The following MMS22L variants were observed in gnomAD, a reference collection of about 807,000 sequenced individuals.
The protein encoded by MMS22L is MMS22 like, DNA repair protein.
In MMS22L, 74 loss-of-function variants were observed where a neutral mutation model predicts 159.1. The ratio of observed to expected loss-of-function variants is 0.47; its 90% CI spans 0.39 to 0.56. MMS22L has a LOEUF of 0.56. Among genes scored for constraint, MMS22L ranks in the 20% least tolerant of loss-of-function variants. The pLI is 0.00. For missense variants in MMS22L, 1,351 were observed against 1,422.1 expected, an observed-to-expected ratio of 0.95 and a Z score of 0.80; for synonymous variants, 517 against 506.9, an observed-to-expected ratio of 1.02 and a Z score of -0.27.
In MMS22L at chr6:97,142,539, T is replaced by C. The variant is rs1212920632; in HGVS notation, c.*4267A>G. On this transcript the variant is annotated 3_prime_UTR_variant, in exon 25 of 25. Transcript: ENST00000683635. The stretch of plus-strand genomic sequence containing the variant: ...AAGAGGGGTAGGTAAAAGATCAGTT[T>C]TTTGGAAAATAAAAGATTTATATAA... The C allele has an allele frequency of 6.6e-6, 1 of 152,284 alleles. No homozygotes were observed. Among genetic ancestry groups the C allele is most frequent in the African/African-American group, 2.4e-5 (1 of 41,438 alleles). 9.4% of individuals were successfully genotyped at this position (152,284 alleles called of 1,614,324 possible).
chr6:97,257,324 T>C (rs1813926245), intron 9 of MMS22L, among the ~76,000 whole-genome samples: 1 of 152,242 alleles, frequency 6.6e-6, no homozygotes, highest in Non-Finnish European at 1.5e-5. Context: ...ATAAGGTGCA[T>C]TTAGCTATCC....
intron 20 of MMS22L, 56 bp downstream of exon 20, chr6:97,168,015 A>C (rs1432265906): frequency 4.2e-6 from 6 of 1,415,344 alleles, no homozygotes; most frequent in Non-Finnish European, 5.7e-6. Context: ...CTATGTTTTT[A>C]AGGCAAAGTT....
At chr6:97,247,454 A>G (rs2128042755) in intron 10 of MMS22L, among the ~76,000 whole-genome samples, 1 of 152,262 alleles carries the variant, frequency 6.6e-6, no homozygotes, top group East Asian at 1.9e-4. Flanking sequence ...CATGGCCAGG[A>G]GCGATGGCTC....
intron 18 of MMS22L, among the ~76,000 whole-genome samples, chr6:97,174,249 CAAAAAAAAAATAAAAAA>C (rs1183829011): frequency 6.6e-5 from 7 of 106,844 alleles, no homozygotes; most frequent in Admixed American, 3.1e-4. Context: ...AAGACTGTCT[CAAAAAAAAAATAAAAAA>C]AAAAAAAAAA....
chr6:97,174,269 A>AT (rs1220293732), intron 18 of MMS22L, among the ~76,000 whole-genome samples: 18 of 151,150 alleles, frequency 1.2e-4, no homozygotes, highest in Non-Finnish European at 1.8e-4. Context: ...ATAAAAAAAA[A>AT]AAAAAAATAA....
intron 14 of MMS22L, among the ~76,000 whole-genome samples, chr6:97,187,385 T>C (rs932773734): frequency 2.6e-5 from 4 of 152,240 alleles, no homozygotes; most frequent in South Asian, 4.1e-4. Context: ...GTGCAGGAAA[T>C]TGAGGTTACC....
intron 14 of MMS22L, among the ~76,000 whole-genome samples, chr6:97,218,852 G>A (rs572872838): frequency 1.3e-5 from 2 of 152,278 alleles, no homozygotes; most frequent in East Asian, 1.9e-4. Flanking sequence ...GGAAGGTGAA[G>A]GGGAAGCAAG....
chr6:97,263,421 C>A lies in MMS22L; in HGVS notation c.856G>T (p.Asp286Tyr). ...TTAATGCATAAACATGGACACTGGT[C>A]ACTCATTAATGATTCAGAAGACCTA... ...KVRSSESLMS[D>Y]QCPCLCIKEL... Residue 286 changes from aspartate to tyrosine, a missense_variant, in exon 9 of 25, where the codon GAC (aspartate) becomes TAC (tyrosine). Coordinates refer to ENST00000683635, the MANE Select transcript of MMS22L (RefSeq NM_001350599.2). 6.3e-7 allele frequency: 1 copy of A among 1,584,852 alleles called. No individual in the cohort carries two copies. The highest frequency in any genetic ancestry group is 8.5e-7 in the Non-Finnish European group (1 of 1,170,024).
chr6:97,217,550 C>A (rs1809155893), intron 14 of MMS22L, among the ~76,000 whole-genome samples: 1 of 152,108 alleles, frequency 6.6e-6, no homozygotes, highest in South Asian at 2.1e-4. Context: ...CCACTGCACC[C>A]AGCCAAATAA....
intron 14 of MMS22L, among the ~76,000 whole-genome samples, chr6:97,189,027 G>A (rs1264816074): frequency 1.3e-5 from 2 of 151,540 alleles, no homozygotes; most frequent in African/African-American, 2.4e-5. Flanking sequence ...AAGAAAAGGG[G>A]CTGGAAAAGC....
chr6:97,263,785 T>G lies in MMS22L; in HGVS notation c.829-337A>C, dbSNP rs183534136. On this transcript the variant is annotated intron_variant, in intron 8 of 24. Transcript: ENST00000683635. ...GTGCAGTGGAGCGATCTTGGCTCAC[T>G]GCAAGCTCCGCCTCCCAGGTTCACG... 969 of 157,606 alleles carry G rather than the reference T, an allele frequency of 6.1e-3. 11 individuals are homozygous for G. Among genetic ancestry groups the G allele is most frequent in the African/African-American group, 0.021 (892 of 41,536 alleles). 9.8% of individuals were successfully genotyped at this position (157,606 alleles called of 1,614,324 possible). A position where few individuals can be genotyped will look rare whatever the true frequency, so the allele number is the denominator to read the frequency against.
intron 14 of MMS22L, among the ~76,000 whole-genome samples, chr6:97,213,266 C>A (rs1260985001): frequency 6.6e-6 from 1 of 152,096 alleles, no homozygotes; most frequent in African/African-American, 2.4e-5. Flanking sequence ...ATTAGCCAGG[C>A]ATGATGGCGC....
In MMS22L at chr6:97,162,073, G is replaced by A; in HGVS notation, c.3314C>T (p.Thr1105Ile). 6.2e-7 allele frequency: 1 copy of A among 1,612,460 alleles called. No individual in the cohort carries two copies. Among genetic ancestry groups the A allele is most frequent in the African/African-American group, 1.3e-5 (1 of 74,914 alleles). Residue 1105 changes from threonine (T) to isoleucine (I), a missense_variant, in exon 22 of 25, where the codon ACA becomes ATA. Coordinates refer to ENST00000683635, the MANE Select transcript of MMS22L (RefSeq NM_001350599.2). ...GAGTAGTTCAACTTCATAAATGTCTGTGTTAGTTTCCTTGAAGAGTTGGAG... is the reference window on the plus strand; with the variant it reads ...GAGTAGTTCAACTTCATAAATGTCTATGTTAGTTTCCTTGAAGAGTTGGAG... The part of the protein sequence containing the change: ...FILQLFKETN[T>I]DIYEVELLLP...
intron 22 of MMS22L, among the ~76,000 whole-genome samples, chr6:97,153,905 A>G (rs1413086772): frequency 6.6e-6 from 1 of 152,188 alleles, no homozygotes; most frequent in Non-Finnish European, 1.5e-5. Flanking sequence ...ATAATAAACA[A>G]TACTGCTATA....
rs144607888 is a variant in MMS22L, at chr6:97,181,607, T to C, written c.2384+297A>G. 2.6e-3 allele frequency among the ~76,000 whole-genome samples: 401 copies of C among 152,290 alleles called. 4 individuals carry two copies. Among genetic ancestry groups the C allele is most frequent in the Admixed American group, 9.3e-3 (143 of 15,298 alleles). On this transcript the variant is annotated intron_variant, in intron 16 of 24. Coordinates refer to ENST00000683635, the MANE Select transcript of MMS22L (RefSeq NM_001350599.2). ...CAGTAATAATAAATGTGTAATTTCT[T>C]TCACAGTGGGATGTGTAGAAAGGTC... is the stretch of plus-strand genomic sequence containing the variant.
chr6:97,158,760 T>C (rs7764350), intron 22 of MMS22L, among the ~76,000 whole-genome samples: 2,804 of 152,258 alleles, frequency 0.018, 87 homozygotes, highest in African/African-American at 0.064. Flanking sequence ...ATAAGTGCGA[T>C]GTGGTGCTGA....
intron 14 of MMS22L, among the ~76,000 whole-genome samples, chr6:97,216,518 G>A (rs1809032962): frequency 1.3e-5 from 2 of 152,128 alleles, no homozygotes; most frequent in South Asian, 4.1e-4. Context: ...CTAGGTCAAT[G>A]TACCAAAGTC....
chr6:97,279,429 A>G (rs1198689778), intron 3 of MMS22L, among the ~76,000 whole-genome samples: 1 of 151,944 alleles, frequency 6.6e-6, no homozygotes, highest in Non-Finnish European at 1.5e-5. Flanking sequence ...GCTTGCAGTA[A>G]GCAGAGATCG....
intron 14 of MMS22L, among the ~76,000 whole-genome samples, chr6:97,205,982 T>G (rs995126617): frequency 2.0e-5 from 3 of 152,192 alleles, no homozygotes; most frequent in Non-Finnish European, 2.9e-5. Flanking sequence ...AATTGTATTG[T>G]GAGGCATGCA....
Sources: gnomAD v4.1 joint callset for allele counts (sites outside exome capture counted in the v4.1 genomes callset) on GRCh38, gnomAD v4.1.1 for gene constraint, MANE v1.5 for transcripts, NCBI Gene and HGNC (gene_info 2026-07-23, HGNC 2026-07-21) for gene names.